Variants in SNX29 observed in about 807,000 individuals in gnomAD.
SNX29 encodes sorting nexin-29.
A neutral mutation model predicts 102.1 loss-of-function variants in SNX29; 78 were observed. The ratio of observed to expected loss-of-function variants is 0.76; its 90% CI spans 0.64 to 0.92. SNX29 has a LOEUF of 0.92. SNX29 is among the 40% of genes least tolerant of loss of function. The pLI, the probability that SNX29 is intolerant of heterozygous loss-of-function variation, is 0.00. For missense variants in SNX29, 1,280 were observed against 1,061.7 expected, an observed-to-expected ratio of 1.21 and a Z score of -2.86; for synonymous variants, 580 against 414.5, an observed-to-expected ratio of 1.40 and a Z score of -4.85.
intron 19 of SNX29, among the ~76,000 whole-genome samples, chr16:12,502,768 C>T (rs1187183661): frequency 6.6e-6 from 1 of 152,152 alleles, no homozygotes; most frequent in East Asian, 1.9e-4. Flanking sequence ...AGTAATGGTA[C>T]CTCCTCCTTT....
intron 19 of SNX29, among the ~76,000 whole-genome samples, chr16:12,522,143 G>A (rs1322994617): frequency 6.6e-6 from 1 of 152,212 alleles, no homozygotes; most frequent in Non-Finnish European, 1.5e-5. Context: ...ATATAAGGAT[G>A]CCCAGTGAAA....
Position 12,343,804 on chromosome 16 carries a change from T to TTGAATGAATGAAGAAACG in SNX29, c.1783-12347_1783-12330dup, listed in dbSNP as rs2081689638. Among the ~76,000 whole-genome samples, 5 of 152,274 alleles carry TTGAATGAATGAAGAAACG rather than the reference T, an allele frequency of 3.3e-5. No individual in the cohort carries two copies. The South Asian group carries it at 1.0e-3, about 32-fold the overall frequency. The stretch of plus-strand genomic sequence containing the variant: ...CACACCGTTGCTCAATAAATGTTTG[T>TTGAATGAATGAAGAAACG]TGAATGAATGAAGAAACGTGAATGA... On this transcript the variant is annotated intron_variant, in intron 15 of 20. Coordinates refer to ENST00000566228, the MANE Select transcript of SNX29 (RefSeq NM_032167.5).
intron 13 of SNX29, among the ~76,000 whole-genome samples, chr16:12,177,335 AAGT>A (rs1372589295): frequency 6.6e-6 from 1 of 152,130 alleles, no homozygotes; most frequent in Non-Finnish European, 1.5e-5. Flanking sequence ...CTTAGCTGTA[AAGT>A]AGTAGGAGGA....
chr16:12,409,187 A>G (rs991567443), intron 18 of SNX29, among the ~76,000 whole-genome samples: 1 of 152,256 alleles, frequency 6.6e-6, no homozygotes, highest in African/African-American at 2.4e-5. Context: ...AGCCGGAGAC[A>G]AAATGATTAA....
At chr16:12,394,631 G>A (rs943330205) in intron 16 of SNX29, among the ~76,000 whole-genome samples, 2 of 152,150 alleles carry the variant, frequency 1.3e-5, no homozygotes, top group African/African-American at 4.8e-5. Context: ...CATTTATCTG[G>A]TAGTTGGTGC....
intron 11 of SNX29, among the ~76,000 whole-genome samples, chr16:12,101,237 C>G (rs1016745577): frequency 4.0e-5 from 6 of 151,108 alleles, no homozygotes; most frequent in Admixed American, 2.6e-4. Context: ...TCTCCTTTCT[C>G]AGGGCTCTGC....
intron 19 of SNX29, among the ~76,000 whole-genome samples, chr16:12,482,821 A>G (rs1300741271): frequency 6.6e-6 from 1 of 152,220 alleles, no homozygotes; most frequent in Non-Finnish European, 1.5e-5. Flanking sequence ...GTTGAAAGTG[A>G]TCTTAATCCC....
chr16:12,497,942 C>G (rs923188551), intron 19 of SNX29, among the ~76,000 whole-genome samples: 1 of 152,170 alleles, frequency 6.6e-6, no homozygotes, highest in Non-Finnish European at 1.5e-5. Context: ...TTTCTGTCCA[C>G]TCTCAGACAA....
At chr16:12,198,413 TTTC>T (rs2076831934) in intron 13 of SNX29, among the ~76,000 whole-genome samples, 2 of 150,066 alleles carry the variant, frequency 1.3e-5, no homozygotes, top group Non-Finnish European at 2.9e-5. Flanking sequence ...GTTTTTTGCA[TTTC>T]TTCTTAAATG....
chr16:12,071,780 A>T (rs1040833486), intron 10 of SNX29, among the ~76,000 whole-genome samples: 2 of 152,014 alleles, frequency 1.3e-5, no homozygotes, highest in Non-Finnish European at 2.9e-5. Flanking sequence ...CATTTTCACG[A>T]TATTGATTCT....
At chr16:12,111,836 AGT>A (rs1278006271) in intron 11 of SNX29, among the ~76,000 whole-genome samples, 3 of 151,768 alleles carry the variant, frequency 2.0e-5, no homozygotes, top group African/African-American at 7.3e-5. Context: ...GAGATTTGAG[AGT>A]GTGTGTGGGT....
chr16:12,293,113 A>G (rs1487869297), intron 15 of SNX29, among the ~76,000 whole-genome samples: 1 of 152,202 alleles, frequency 6.6e-6, no homozygotes, highest in African/African-American at 2.4e-5. Flanking sequence ...ATTACTATAC[A>G]TATATTTTCA....
At chr16:12,483,029 G>C (rs1397477279) in intron 19 of SNX29, among the ~76,000 whole-genome samples, 1 of 150,072 alleles carries the variant, frequency 6.7e-6, no homozygotes, top group Non-Finnish European at 1.5e-5. Flanking sequence ...TGAAATAGTT[G>C]GCCTGAATAT....
chr16:12,440,045 C>G (rs998997376), intron 18 of SNX29, among the ~76,000 whole-genome samples: 2 of 152,136 alleles, frequency 1.3e-5, no homozygotes, highest in Non-Finnish European at 2.9e-5. Context: ...CTTAGAGTCT[C>G]ATGTATAAAA....
intron 13 of SNX29, among the ~76,000 whole-genome samples, chr16:12,183,909 A>G (rs1051598538): frequency 3.9e-5 from 6 of 152,200 alleles, no homozygotes; most frequent in African/African-American, 1.2e-4. Context: ...ACAGTTTACA[A>G]ATGCCATGGC....
Position 12,569,949 on chromosome 16 carries a change from C to G in SNX29, c.*1320C>G. The G allele has an allele frequency of 4.3e-6, 1 of 234,012 alleles. No individual in the cohort carries two copies. The highest frequency in any genetic ancestry group is 8.4e-6 in the Non-Finnish European group (1 of 119,124). The allele number at this position is 234,012 out of a possible 1,614,324, so 14.5% of individuals were successfully genotyped here. On this transcript the variant is annotated 3_prime_UTR_variant, in exon 21 of 21. Transcript: ENST00000566228. ...GAGGAGAAAAGCAGGTGGAAGGTGA[C>G]GGTTAGATGGTAAGCCATGGGCTTG...
chr16:12,191,296 C>G (rs1278030348), intron 13 of SNX29, among the ~76,000 whole-genome samples: 1 of 152,162 alleles, frequency 6.6e-6, no homozygotes, highest in East Asian at 1.9e-4. Context: ...TTCCTGACAG[C>G]CACGGTGATG....
chr16:12,553,319 G>C (rs115162932), intron 20 of SNX29, among the ~76,000 whole-genome samples: 328 of 152,306 alleles, frequency 2.2e-3, no homozygotes, highest in African/African-American at 7.6e-3. Flanking sequence ...CCTGGGAAAC[G>C]CCCTAACAAG....
At chr16:12,374,272 G>C (rs148117904) in intron 16 of SNX29, 1 of 130,140 alleles carries the variant, frequency 7.7e-6, no homozygotes, top group Non-Finnish European at 1.8e-5. Context: ...ACTGTCCCCT[G>C]GACTCACACA....
Sources: allele counts gnomAD v4.1 joint callset (sites outside exome capture counted in the v4.1 genomes callset), GRCh38; gene constraint gnomAD v4.1.1; transcripts MANE v1.5; gene names NCBI Gene and HGNC (gene_info 2026-07-23, HGNC 2026-07-21).